Variants in HGD observed in about 807,000 individuals in gnomAD.
The protein encoded by HGD is homogentisate 1,2-dioxygenase.
HGD carries 61 observed loss-of-function variants against 60.8 expected under a neutral mutation model. The ratio of observed to expected loss-of-function variants is 1.00; its 90% CI spans 0.82 to 1.24. The LOEUF (loss-of-function observed/expected upper bound fraction) is 1.24, where lower values mean the gene tolerates loss of function less well. HGD is among the 50% of genes most tolerant of loss of function. The pLI is 0.00. For missense variants in HGD, 542 were observed against 547.1 expected (o/e 0.99, Z 0.09); for synonymous variants, 212 against 187.7 (o/e 1.13, Z -1.06).
chr3:120,644,740 G>A, intron 9 of HGD: 2 of 722,588 alleles, frequency 2.8e-6, no homozygotes, highest in African/African-American at 1.8e-5. Context: ...AGGGAAGAGA[G>A]AAAGAGAACT....
intron 13 of HGD, among the ~76,000 whole-genome samples, chr3:120,630,375 T>C (rs1325701249): frequency 6.6e-6 from 1 of 152,050 alleles, no homozygotes; most frequent in South Asian, 2.1e-4. Flanking sequence ...CTTCAAAGTA[T>C]ACTACAAGGC....
intron 5 of HGD, among the ~76,000 whole-genome samples, chr3:120,651,142 G>A (rs1286150574): frequency 1.3e-5 from 2 of 152,166 alleles, no homozygotes; most frequent in African/African-American, 4.8e-5. Context: ...TCATTACTTG[G>A]TATTTTATCA....
chr3:120,656,322 C>T (rs1182210401), intron 4 of HGD, among the ~76,000 whole-genome samples: 1 of 152,118 alleles, frequency 6.6e-6, no homozygotes, highest in Non-Finnish European at 1.5e-5. Context: ...TAATATAGTC[C>T]TACAACTTTT....
chr3:120,668,740 C>T (rs112788906), intron 4 of HGD, among the ~76,000 whole-genome samples: 9,907 of 152,068 alleles, frequency 0.065, 988 homozygotes, highest in African/African-American at 0.22. Flanking sequence ...CACAATAGCA[C>T]TGTGAGGCAA....
chr3:120,637,258 G>A (rs1940813188), intron 12 of HGD, among the ~76,000 whole-genome samples: 1 of 146,490 alleles, frequency 6.8e-6, no homozygotes, highest in South Asian at 2.3e-4. Flanking sequence ...AACTTGCTGT[G>A]AGTCCTTGAG....
chr3:120,641,586 T>A lies in HGD; in HGVS notation c.879+3A>T, dbSNP rs748993243. On this transcript the variant is annotated splice_donor_region_variant and intron_variant, in intron 11 of 13. Transcript: ENST00000283871. ...CCAAGGCCCCTACAGGGTTCAGACT[T>A]ACTGCATGGTCAAAGGCCACTGAGT... is the stretch of plus-strand genomic sequence containing the variant. 7 of 1,604,046 alleles carry A rather than the reference T, an allele frequency of 4.4e-6. No homozygotes were observed. The highest frequency in any genetic ancestry group is 6.0e-6 in the Non-Finnish European group (7 of 1,170,840).
intron 11 of HGD, among the ~76,000 whole-genome samples, chr3:120,638,954 T>C (rs1940878969): frequency 2.0e-5 from 3 of 152,154 alleles, no homozygotes; most frequent in African/African-American, 7.2e-5. Context: ...GATCTGATGG[T>C]TTTATAAAGG....
rs1027078979 is a variant in HGD, at chr3:120,630,595, G to A, written c.1189-2066C>T. On this transcript the variant is annotated intron_variant, in intron 13 of 13. Coordinates refer to ENST00000283871, the MANE Select transcript of HGD (RefSeq NM_000187.4). ...ATAAGCAGAAGATTTAAACTGGACCGCTTCCATACACCATATAGAAAAACC... is the reference window on the plus strand; with the variant it reads ...ATAAGCAGAAGATTTAAACTGGACCACTTCCATACACCATATAGAAAAACC... Among the ~76,000 whole-genome samples, 6 of 151,618 alleles carry A rather than the reference G, an allele frequency of 4.0e-5. 1 individual carries two copies. Among genetic ancestry groups the A allele is most frequent in the African/African-American group, 7.3e-5 (3 of 41,188 alleles).
At chr3:120,652,561 A>C (rs370808217) in intron 5 of HGD, 31 bp downstream of exon 5, 13 of 1,512,506 alleles carry the variant, frequency 8.6e-6, no homozygotes, top group Non-Finnish European at 1.2e-5. Flanking sequence ...AGAGGAGAGC[A>C]GTAGGGAGGG....
At chr3:120,675,740 G>T in intron 2 of HGD, 52 bp downstream of exon 2, 1 of 1,423,336 alleles carries the variant, frequency 7.0e-7, no homozygotes, top group Non-Finnish European at 9.9e-7. Flanking sequence ...CTGAAAGCTA[G>T]TCATCCAGGA....
At chr3:120,652,751 A>G (rs1941382929) in intron 4 of HGD, 100 bp from the exon 5 acceptor site, 2 of 788,878 alleles carry the variant, frequency 2.5e-6, no homozygotes, top group Admixed American at 4.0e-5. Context: ...AAGGACAGCT[A>G]CCCCCTCTGT....
At position 120,678,379 on chromosome 3, in the gene HGD, T is replaced by G. The variant is rs375194412; in HGVS notation, c.16-2516A>C. Among the ~76,000 whole-genome samples the G allele has an allele frequency of 1.6e-4, 25 of 152,338 alleles. No individual in the cohort carries two copies. The South Asian group carries it at 5.0e-3, about 30-fold the overall frequency. On this transcript the variant is annotated intron_variant, in intron 1 of 13. Transcript: ENST00000283871. ...ACTGGGCATTACAGTGCCTTCGCTT[T>G]GTTCAACTGCCGCATTGTTTCTCTC... is the stretch of plus-strand genomic sequence containing the variant.
chr3:120,676,001 T>C lies in HGD; in HGVS notation c.16-138A>G. The stretch of plus-strand genomic sequence containing the variant: ...TGTTCCACATATAATATCTTTACTG[T>C]GTCTTGACATATGAATCATTTAGGG... On this transcript the variant is annotated intron_variant, in intron 1 of 13. Coordinates refer to ENST00000283871, the MANE Select transcript of HGD (RefSeq NM_000187.4). The C allele has an allele frequency of 4.1e-6, 3 of 733,072 alleles. No homozygotes were observed. In the South Asian group the frequency reaches 4.3e-5, roughly 10 times the overall value. 45.4% of individuals were successfully genotyped at this position (733,072 alleles called of 1,614,324 possible).
chr3:120,653,987 T>C (rs1008157988), intron 4 of HGD, among the ~76,000 whole-genome samples: 1 of 152,024 alleles, frequency 6.6e-6, no homozygotes, highest in Admixed American at 6.5e-5. Context: ...TTGGGGGAAA[T>C]TTTCTCCCAG....
At chr3:120,642,498 G>C (rs971041656) in intron 10 of HGD, among the ~76,000 whole-genome samples, 4 of 152,202 alleles carry the variant, frequency 2.6e-5, no homozygotes, top group African/African-American at 7.2e-5. Context: ...GTGGTGTGCT[G>C]GTAAATATTT....
At chr3:120,660,480 T>C (rs955644013) in intron 4 of HGD, among the ~76,000 whole-genome samples, 6 of 152,180 alleles carry the variant, frequency 3.9e-5, no homozygotes, top group Admixed American at 6.5e-5. Flanking sequence ...TTTGAGGTGA[T>C]AGGCAAGAAT....
chr3:120,630,052 G>A (rs528223086), intron 13 of HGD, among the ~76,000 whole-genome samples: 17 of 152,002 alleles, frequency 1.1e-4, no homozygotes, highest in Admixed American at 2.0e-4. Context: ...AAATACCTAG[G>A]AATACCCCTA....
chr3:120,645,097 G>T (rs1253033665), intron 9 of HGD, among the ~76,000 whole-genome samples: 1 of 152,226 alleles, frequency 6.6e-6, no homozygotes, highest in African/African-American at 2.4e-5. Flanking sequence ...GCGAGCTGAG[G>T]AGTGTTTTAT....
intron 4 of HGD, among the ~76,000 whole-genome samples, chr3:120,656,739 A>G (rs1207678445): frequency 6.6e-6 from 1 of 152,068 alleles, no homozygotes; most frequent in East Asian, 1.9e-4. Context: ...TTTAGTAGAG[A>G]TGAGGTTTCA....
Sources: allele counts gnomAD v4.1 joint callset (sites outside exome capture counted in the v4.1 genomes callset), GRCh38; gene constraint gnomAD v4.1.1; transcripts MANE v1.5; gene names NCBI Gene and HGNC (gene_info 2026-07-23, HGNC 2026-07-21).